MORC1: variants seen among roughly 807,000 people sequenced by gnomAD.
The protein encoded by MORC1 is MORC family CW-type zinc finger 1, also known as MORC family CW-type zinc finger protein 1.
In MORC1, 59 loss-of-function variants were observed where a neutral mutation model predicts 134.9. That is an observed-to-expected ratio of 0.44 (90% CI 0.35 to 0.54). MORC1 has a LOEUF of 0.54. Ranked by LOEUF, MORC1 falls within the 20% of genes least tolerant of loss-of-function variation. MORC1 has a pLI of 0.00. For missense variants in MORC1, 947 were observed against 1,134.5 expected, an observed-to-expected ratio of 0.83 and a Z score of 2.37; for synonymous variants, 395 against 391.7, an observed-to-expected ratio of 1.01 and a Z score of -0.10.
intron 23 of MORC1, among the ~76,000 whole-genome samples, chr3:108,981,528 T>C (rs866817317): frequency 2.6e-5 from 4 of 152,304 alleles, no homozygotes; most frequent in African/African-American, 7.2e-5. Context: ...ATTTTAGGGA[T>C]GTTAAAGATT....
intron 8 of MORC1, among the ~76,000 whole-genome samples, chr3:109,080,283 G>T (rs1013954133): frequency 5.3e-5 from 8 of 152,150 alleles, no homozygotes; most frequent in Admixed American, 1.3e-4. Context: ...ATGGCAGCAG[G>T]TAAAGAGAGA....
At chr3:108,968,857 T>C (rs1947290341) in intron 26 of MORC1, among the ~76,000 whole-genome samples, 1 of 152,188 alleles carries the variant, frequency 6.6e-6, no homozygotes, top group African/African-American at 2.4e-5. Flanking sequence ...TTGACTACTC[T>C]GGCCTGTGCG....
intron 8 of MORC1, among the ~76,000 whole-genome samples, chr3:109,083,847 T>C (rs1173563204): frequency 1.3e-5 from 2 of 152,134 alleles, no homozygotes; most frequent in Non-Finnish European, 2.9e-5. Flanking sequence ...GATGGAAGGA[T>C]GCTTGAACAT....
At chr3:108,998,883 C>A (rs931503776) in intron 21 of MORC1, among the ~76,000 whole-genome samples, 4 of 152,068 alleles carry the variant, frequency 2.6e-5, no homozygotes, top group African/African-American at 9.7e-5. Flanking sequence ...AGAACTATTA[C>A]CTAAAAAGAC....
At chr3:109,104,582 T>C (rs1950987756) in intron 3 of MORC1, among the ~76,000 whole-genome samples, 1 of 152,114 alleles carries the variant, frequency 6.6e-6, no homozygotes, top group South Asian at 2.1e-4. Context: ...TCGCAGAACT[T>C]TGGGAGGCTA....
chr3:109,040,914 A>C (rs1949529002), intron 14 of MORC1, among the ~76,000 whole-genome samples: 1 of 152,016 alleles, frequency 6.6e-6, no homozygotes, highest in South Asian at 2.1e-4. Context: ...TATCATAAAG[A>C]AATATAGAAC....
chr3:109,080,126 T>G (rs1213143828), intron 8 of MORC1, among the ~76,000 whole-genome samples: 1 of 152,158 alleles, frequency 6.6e-6, no homozygotes, highest in South Asian at 2.1e-4. Context: ...CATGTATTAG[T>G]CCATTTTCAC....
chr3:108,982,229 C>T (rs1947746688), intron 23 of MORC1, among the ~76,000 whole-genome samples: 1 of 152,010 alleles, frequency 6.6e-6, no homozygotes, highest in Non-Finnish European at 1.5e-5. Context: ...GTTAGAATGG[C>T]GATCATTAAA....
intron 7 of MORC1, 22 bp downstream of exon 7, chr3:109,094,887 G>T (rs772075627): frequency 6.5e-7 from 1 of 1,535,594 alleles, no homozygotes; most frequent in African/African-American, 1.4e-5. Context: ...CCATCAAATT[G>T]TCAGAGTTTT....
intron 8 of MORC1, among the ~76,000 whole-genome samples, chr3:109,075,024 T>C (rs1950391276): frequency 6.6e-6 from 1 of 152,202 alleles, no homozygotes; most frequent in Admixed American, 6.5e-5. Flanking sequence ...CCTAGAGTTC[T>C]GGTCTCTTCA....
At chr3:108,988,913 T>C (rs1947971394) in intron 21 of MORC1, among the ~76,000 whole-genome samples, 1 of 152,178 alleles carries the variant, frequency 6.6e-6, no homozygotes, top group East Asian at 1.9e-4. Context: ...TATGCCTTCT[T>C]TCCCCAAAAA....
chr3:109,098,949 T>C (rs901331049), intron 6 of MORC1, among the ~76,000 whole-genome samples: 8 of 152,204 alleles, frequency 5.3e-5, no homozygotes, highest in African/African-American at 1.7e-4. Flanking sequence ...GAAATTATGG[T>C]CACCAGAGTT....
chr3:109,045,953 T>A (rs1162195533), intron 14 of MORC1, among the ~76,000 whole-genome samples: 2 of 152,138 alleles, frequency 1.3e-5, no homozygotes, highest in Non-Finnish European at 2.9e-5. Flanking sequence ...TTCTTAAGTG[T>A]GAGGACCTCC....
chr3:109,105,524 A>G (rs1951014410), intron 3 of MORC1, among the ~76,000 whole-genome samples: 1 of 151,816 alleles, frequency 6.6e-6, no homozygotes, highest in South Asian at 2.1e-4. Flanking sequence ...CTCCATCTCA[A>G]AAAAAATAGC....
chr3:109,081,942 A>AC (rs1950527813), intron 8 of MORC1, among the ~76,000 whole-genome samples: 2 of 152,126 alleles, frequency 1.3e-5, no homozygotes, highest in African/African-American at 4.8e-5. Flanking sequence ...GAGAAGCCTC[A>AC]CAAGTGTCTG....
chr3:109,112,720 T>C (rs1951196344), intron 2 of MORC1, among the ~76,000 whole-genome samples: 1 of 152,222 alleles, frequency 6.6e-6, no homozygotes, highest in Admixed American at 6.5e-5. Flanking sequence ...ATTTTTTATT[T>C]GGTATCTCCA....
intron 15 of MORC1, among the ~76,000 whole-genome samples, chr3:109,034,446 C>T (rs1399067745): frequency 2.6e-5 from 4 of 152,088 alleles, no homozygotes; most frequent in African/African-American, 9.7e-5. Flanking sequence ...ATGTAATTAT[C>T]CTCCTATGGA....
At chr3:109,107,287 G>C (rs775056908) in intron 3 of MORC1, among the ~76,000 whole-genome samples, 4 of 151,894 alleles carry the variant, frequency 2.6e-5, no homozygotes, top group Non-Finnish European at 5.9e-5. Context: ...TAAAATACCT[G>C]TTCGTGTATC....
intron 3 of MORC1, chr3:109,110,489 T>C (rs1394097691): frequency 1.5e-5 from 6 of 395,612 alleles, no homozygotes; most frequent in African/African-American, 6.2e-5. Flanking sequence ...GGCAGGCAAA[T>C]TGAGTGCTCC....
Sources: gnomAD v4.1 joint callset for allele counts (sites outside exome capture counted in the v4.1 genomes callset) on GRCh38, gnomAD v4.1.1 for gene constraint, MANE v1.5 for transcripts, NCBI Gene and HGNC (gene_info 2026-07-23, HGNC 2026-07-21) for gene names.